The following DNAH17 variants were observed in gnomAD, a reference collection of about 807,000 sequenced individuals.
DNAH17 encodes dynein axonemal heavy chain 17, also known as axonemal beta dynein heavy chain 17.
A neutral mutation model predicts 485.6 loss-of-function variants in DNAH17; 376 were observed. The ratio of observed to expected loss-of-function variants is 0.77; its 90% CI spans 0.71 to 0.84. The LOEUF (loss-of-function observed/expected upper bound fraction) is 0.84, where lower values mean the gene tolerates loss of function less well. DNAH17 is among the 40% of genes least tolerant of loss of function. The pLI is 0.00. For synonymous variants in DNAH17, 3,031 were observed against 2,405.9 expected, an observed-to-expected ratio of 1.26 and a Z score of -7.60; for missense variants, 6,370 against 5,839.3, an observed-to-expected ratio of 1.09 and a Z score of -2.96.
chr17:78,541,938 G>A (rs1301989807), intron 17 of DNAH17, among the ~76,000 whole-genome samples: 4 of 152,168 alleles, frequency 2.6e-5, no homozygotes, highest in Admixed American at 6.5e-5. Context: ...TGGGAATGAG[G>A]CACAACAGAC....
intron 30 of DNAH17, 89 bp from the exon 31 acceptor site, chr17:78,505,534 T>A: frequency 6.4e-7 from 1 of 1,552,472 alleles, no homozygotes; most frequent in Non-Finnish European, 8.8e-7. Flanking sequence ...GTTTTAGGCA[T>A]CGTTCTTTTT....
At chr17:78,485,507 G>A (rs755419964) in intron 47 of DNAH17, 43 bp downstream of exon 47, 12 of 1,526,588 alleles carry the variant, frequency 7.9e-6, no homozygotes, top group African/African-American at 1.4e-5. Flanking sequence ...GGGGACTGGC[G>A]GGGGGCAGCC....
Position 78,544,141 on chromosome 17 carries a change from T to C in DNAH17, c.2392-144A>G. ...TCTAGTTCTCCACGATCCATGCCCA[T>C]CAGGGGCTACTAAGGACCTGTGCCT... On this transcript the variant is annotated intron_variant, in intron 16 of 80. Transcript: ENST00000389840. 2.5e-6 allele frequency: 3 copies of C among 1,217,522 alleles called. No homozygotes were observed. In the South Asian group the frequency reaches 4.4e-5, roughly 18 times the overall value. 75.4% of individuals were successfully genotyped at this position (1,217,522 alleles called of 1,614,324 possible). A position where few individuals can be genotyped will look rare whatever the true frequency, so the allele number is the denominator to read the frequency against.
intron 52 of DNAH17, among the ~76,000 whole-genome samples, chr17:78,476,155 G>T (rs572930172): frequency 6.6e-6 from 1 of 152,260 alleles, no homozygotes; most frequent in South Asian, 2.1e-4. Context: ...TGGACAGAGG[G>T]AGGTGATCAC....
chr17:78,539,345 T>C (rs1416328868), intron 18 of DNAH17, among the ~76,000 whole-genome samples: 1 of 152,230 alleles, frequency 6.6e-6, no homozygotes, highest in Admixed American at 6.5e-5. Context: ...TGGTTTACCT[T>C]CTACTCAGCC....
chr17:78,561,467 G>T (rs1013759831), intron 12 of DNAH17, among the ~76,000 whole-genome samples: 1 of 152,108 alleles, frequency 6.6e-6, no homozygotes, highest in African/African-American at 2.4e-5. Context: ...TTCCTGCCTG[G>T]GTGGTCTTCA....
intron 34 of DNAH17, 135 bp downstream of exon 34, chr17:78,501,607 G>A: frequency 7.6e-6 from 10 of 1,318,920 alleles, no homozygotes; most frequent in Non-Finnish European, 1.0e-5. Flanking sequence ...AGGAGGTTAG[G>A]AGGCAGCTGC....
intron 26 of DNAH17, chr17:78,510,726 C>A (rs190037564): frequency 1.8e-6 from 1 of 544,870 alleles, no homozygotes; most frequent in Non-Finnish European, 3.2e-6. Context: ...AAGAGCAGAA[C>A]GCACCTGCAC....
intron 48 of DNAH17, among the ~76,000 whole-genome samples, chr17:78,483,362 G>A (rs2089435785): frequency 6.6e-6 from 1 of 152,212 alleles, no homozygotes; most frequent in Non-Finnish European, 1.5e-5. Context: ...GAGCGTGGTG[G>A]CTCACGCCTG....
intron 34 of DNAH17, 123 bp from the exon 35 acceptor site, chr17:78,501,467 T>G: frequency 1.0e-5 from 13 of 1,249,308 alleles, no homozygotes; most frequent in Non-Finnish European, 1.4e-5. Flanking sequence ...TGGCCCTCTT[T>G]CCCCCTCCAG....
In DNAH17 at chr17:78,431,807, C is replaced by T. The variant is rs78040332; in HGVS notation, c.12225+2222G>A. 1.9e-3 allele frequency among the ~76,000 whole-genome samples: 291 copies of T among 152,176 alleles called. 3 individuals are homozygous for T. The East Asian group carries it at 0.042, about 22-fold the overall frequency. The stretch of plus-strand genomic sequence containing the variant: ...GGCAGCCGCTGATGTACATGGTACT[C>T]GCGCGGCTTCTCAGCAGCTTAGAAG... On this transcript the variant is annotated intron_variant, in intron 75 of 80. Coordinates refer to ENST00000389840, the MANE Select transcript of DNAH17 (RefSeq NM_173628.4).
At position 78,468,960 on chromosome 17, in the gene DNAH17, A is replaced by T. The variant is rs564385531; in HGVS notation, c.8512-77T>A. On this transcript the variant is annotated intron_variant, in intron 54 of 80. Transcript: ENST00000389840. The stretch of plus-strand genomic sequence containing the variant: ...AGAGACATCCTCCACAACCAACCAG[A>T]GCACAGGGCCATTTTTTCTTTGAGA... The T allele has an allele frequency of 4.0e-6, 6 of 1,505,084 alleles. No homozygotes were observed. The African/African-American group carries it at 8.3e-5, about 21-fold the overall frequency. 93.2% of individuals were successfully genotyped at this position (1,505,084 alleles called of 1,614,324 possible).
intron 75 of DNAH17, among the ~76,000 whole-genome samples, chr17:78,429,881 C>T (rs979529887): frequency 2.0e-5 from 3 of 152,162 alleles, no homozygotes; most frequent in Non-Finnish European, 4.4e-5. Context: ...CTCATCCTTC[C>T]AGTAGCTCCC....
chr17:78,446,699 A>G (rs1311595886), intron 69 of DNAH17, among the ~76,000 whole-genome samples: 1 of 152,174 alleles, frequency 6.6e-6, no homozygotes, highest in Non-Finnish European at 1.5e-5. Flanking sequence ...GCTGGAGCGC[A>G]GTAGCGCAAT....
intron 48 of DNAH17, among the ~76,000 whole-genome samples, chr17:78,481,603 G>T (rs925725543): frequency 8.5e-5 from 13 of 152,232 alleles, no homozygotes; most frequent in African/African-American, 2.9e-4. Flanking sequence ...TCATGAGGAG[G>T]ATAAAATGAG....
intron 56 of DNAH17, among the ~76,000 whole-genome samples, chr17:78,464,772 AG>A (rs1476989092): frequency 1.3e-5 from 2 of 152,146 alleles, no homozygotes; most frequent in African/African-American, 4.8e-5. Context: ...CTGGCCCTGG[AG>A]CCTTGGCTGC....
At chr17:78,484,743 C>CCCAGGCCG in intron 48 of DNAH17, 125 bp downstream of exon 48, 1 of 295,608 alleles carries the variant, frequency 3.4e-6, no homozygotes, top group Non-Finnish European at 4.9e-6. Flanking sequence ...TGCAGCACCC[C>CCCAGGCCG]CCCCACCGCC....
intron 75 of DNAH17, 52 bp downstream of exon 75, chr17:78,433,977 G>GAGGGAGGGAAGA: frequency 1.4e-6 from 2 of 1,455,428 alleles, no homozygotes; most frequent in South Asian, 1.3e-5. Context: ...GGGAGGGAAG[G>GAGGGAGGGAAGA]AGGGAAAGAG....
At chr17:78,450,949 G>A (rs1261419910) in intron 66 of DNAH17, 103 bp from the exon 67 acceptor site, 2 of 1,443,860 alleles carry the variant, frequency 1.4e-6, no homozygotes, top group South Asian at 1.3e-5. Flanking sequence ...CCCAGGCTTT[G>A]AGCGGGAGGA....
Sources: gnomAD v4.1 joint callset for allele counts (sites outside exome capture counted in the v4.1 genomes callset) on GRCh38, gnomAD v4.1.1 for gene constraint, MANE v1.5 for transcripts, NCBI Gene and HGNC (gene_info 2026-07-23, HGNC 2026-07-21) for gene names.